Variants in USH2A observed in about 807,000 individuals in gnomAD.
The protein encoded by USH2A is usherin.
In USH2A, 443 loss-of-function variants were observed where a neutral mutation model predicts 538.9. That is an observed-to-expected ratio of 0.82 (90% CI 0.76 to 0.89). USH2A has a LOEUF of 0.89. Among genes scored for constraint, USH2A ranks in the 40% least tolerant of loss-of-function variants. The pLI is 0.00. For missense variants in USH2A, 6,633 were observed against 6,324.8 expected (o/e 1.05, Z -1.65); for synonymous variants, 2,413 against 2,273.5 (o/e 1.06, Z -1.75).
At chr1:216,154,771 T>G (rs949693973) in intron 21 of USH2A, among the ~76,000 whole-genome samples, 59 of 152,316 alleles carry the variant, frequency 3.9e-4, no homozygotes, top group African/African-American at 1.4e-3. Flanking sequence ...TTCCTTTGTA[T>G]TGCTTACTAG....
In USH2A at chr1:215,934,395, T is replaced by C. The variant is rs75530709; in HGVS notation, c.7300+221A>G. Among the ~76,000 whole-genome samples the C allele has an allele frequency of 4.6e-4, 70 of 152,064 alleles. No homozygotes were observed. The East Asian group carries it at 8.1e-3, about 18-fold the overall frequency. ...GGTATATACACACACATACACACAG[T>C]GTGAGGTGGATGAAAGCAGTCTCAA... On this transcript the variant is annotated intron_variant, in intron 38 of 71. Coordinates refer to ENST00000307340, the MANE Select transcript of USH2A (RefSeq NM_206933.4).
intron 55 of USH2A, among the ~76,000 whole-genome samples, chr1:215,769,888 T>C (rs1055938112): frequency 1.3e-5 from 2 of 152,272 alleles, no homozygotes; most frequent in Non-Finnish European, 2.9e-5. Flanking sequence ...CAAGTGAATA[T>C]GGGGAGAATG....
chr1:216,388,084 C>A (rs552147455), intron 3 of USH2A, among the ~76,000 whole-genome samples: 3 of 152,270 alleles, frequency 2.0e-5, no homozygotes, highest in Admixed American at 2.0e-4. Context: ...CTGCCATGAA[C>A]AAGTTACATG....
At chr1:216,111,613 G>T (rs1370586797) in intron 21 of USH2A, among the ~76,000 whole-genome samples, 1 of 151,512 alleles carries the variant, frequency 6.6e-6, no homozygotes, top group Admixed American at 6.6e-5. Context: ...TATTAAACTA[G>T]TAGAATAAAT....
intron 3 of USH2A, 25 bp from the exon 4 acceptor site, chr1:216,365,110 AGTTT>A (rs768157064): frequency 6.3e-7 from 1 of 1,599,782 alleles, no homozygotes; most frequent in African/African-American, 1.3e-5. Flanking sequence ...CACCATTATT[AGTTT>A]AAGTGCATAA....
At chr1:216,093,734 C>T (rs537577659) in intron 22 of USH2A, among the ~76,000 whole-genome samples, 1 of 152,296 alleles carries the variant, frequency 6.6e-6, no homozygotes, top group East Asian at 1.9e-4. Context: ...GCTATAAATA[C>T]TCAAAATCTG....
intron 22 of USH2A, among the ~76,000 whole-genome samples, chr1:216,093,981 T>C (rs2032375902): frequency 6.6e-6 from 1 of 152,212 alleles, no homozygotes; most frequent in African/African-American, 2.4e-5. Flanking sequence ...AAGGGGCTAC[T>C]TCAAGAATGA....
chr1:216,368,614 T>G (rs2038643924), intron 3 of USH2A, among the ~76,000 whole-genome samples: 1 of 152,206 alleles, frequency 6.6e-6, no homozygotes, highest in South Asian at 2.1e-4. Context: ...TCATGATCCT[T>G]TCTCTCAAGG....
At chr1:215,970,821 G>T (rs1279832392) in intron 35 of USH2A, 45 bp from the exon 36 acceptor site, 1 of 1,589,660 alleles carries the variant, frequency 6.3e-7, no homozygotes, top group South Asian at 1.1e-5. Context: ...CTAGACAATA[G>T]CAAAGAAGGT....
At position 216,163,055 on chromosome 1, in the gene USH2A, G is replaced by A. The variant is rs567717890; in HGVS notation, c.4627+12197C>T. On this transcript the variant is annotated intron_variant, in intron 21 of 71. Transcript: ENST00000307340. ...CTGCTTGAGCTCAATAATTCCAGGT[G>A]TGTGCAACTCAGTTCATTTGCTTTT... Among the ~76,000 whole-genome samples the A allele has an allele frequency of 7.2e-5, 11 of 151,856 alleles. No individual in the cohort carries two copies. In the East Asian group the frequency reaches 1.4e-3, roughly 19 times the overall value.
intron 41 of USH2A, among the ~76,000 whole-genome samples, chr1:215,885,768 G>A (rs1201586158): frequency 2.6e-5 from 4 of 151,670 alleles, no homozygotes; most frequent in Admixed American, 2.6e-4. Context: ...TTTCCCTATT[G>A]GACTGTAATT....
At chr1:215,883,506 C>G (rs556221173) in intron 41 of USH2A, among the ~76,000 whole-genome samples, 1 of 151,302 alleles carries the variant, frequency 6.6e-6, no homozygotes, top group South Asian at 2.1e-4. Flanking sequence ...ATGAAATTCT[C>G]CTTTTTTTCT....
chr1:215,996,073 G>A (rs1454051078), intron 34 of USH2A, among the ~76,000 whole-genome samples: 1 of 152,080 alleles, frequency 6.6e-6, no homozygotes, highest in Non-Finnish European at 1.5e-5. Flanking sequence ...ACCACACCCG[G>A]CTATTCTTTG....
At chr1:216,404,022 T>A (rs923864427) in intron 3 of USH2A, among the ~76,000 whole-genome samples, 3 of 152,176 alleles carry the variant, frequency 2.0e-5, no homozygotes, top group African/African-American at 7.2e-5. Context: ...TCCCCAGCCA[T>A]GTGAAACCAA....
Position 215,640,676 on chromosome 1 carries a change from G to T in USH2A, c.14850C>A (p.Asn4950Lys), listed in dbSNP as rs1304824590. Residue 4950 changes from asparagine (N) to lysine (K), a missense_variant, in exon 68 of 72, where the codon AAC becomes AAA. Coordinates refer to ENST00000307340, the MANE Select transcript of USH2A (RefSeq NM_206933.4). ...CGTTCAGGAGGAAGGTGTCACTCCA[G>T]TTCACACACACCACAGACAAATTGC... ...VDSNLSVVCV[N>K]WSDTFLLNGQ... 6.2e-7 allele frequency: 1 copy of T among 1,613,926 alleles called. No homozygotes were observed.
intron 8 of USH2A, among the ~76,000 whole-genome samples, chr1:216,322,553 G>T (rs1364788196): frequency 6.9e-6 from 1 of 145,978 alleles, no homozygotes; most frequent in African/African-American, 2.6e-5. Context: ...GTTGCAACGA[G>T]CCATGATCAT....
At chr1:215,777,801 G>A (rs145015759) in intron 55 of USH2A, among the ~76,000 whole-genome samples, 1 of 152,160 alleles carries the variant, frequency 6.6e-6, no homozygotes, top group Non-Finnish European at 1.5e-5. Context: ...CCTTGGATAC[G>A]CTGAGTAGGT....
intron 4 of USH2A, among the ~76,000 whole-genome samples, chr1:216,343,670 T>C (rs1242487222): frequency 6.6e-6 from 1 of 152,064 alleles, no homozygotes; most frequent in Non-Finnish European, 1.5e-5. Context: ...ATTATTTCTA[T>C]TAAGAACTCA....
chr1:216,030,036 T>C (rs139157358), intron 32 of USH2A, among the ~76,000 whole-genome samples: 202 of 146,870 alleles, frequency 1.4e-3, no homozygotes, highest in African/African-American at 4.9e-3. Context: ...CACAGATATA[T>C]AATATATGGT....
Sources: allele counts gnomAD v4.1 joint callset (sites outside exome capture counted in the v4.1 genomes callset), GRCh38; gene constraint gnomAD v4.1.1; transcripts MANE v1.5; gene names NCBI Gene and HGNC (gene_info 2026-07-23, HGNC 2026-07-21).